The following GOLM1 variants were observed in gnomAD, a reference collection of about 807,000 sequenced individuals.
GOLM1 encodes the protein epididymis luminal protein 46.
In GOLM1, 31 loss-of-function variants were observed where a neutral mutation model predicts 50.5. That is an observed-to-expected ratio of 0.61 (90% confidence interval 0.46 to 0.83). The LOEUF (loss-of-function observed/expected upper bound fraction) is 0.83. GOLM1 is among the 40% of genes least tolerant of loss of function. The pLI, the probability that GOLM1 is intolerant of heterozygous loss-of-function variation, is 0.00. For missense variants in GOLM1, 491 were observed against 501.3 expected, an observed-to-expected ratio of 0.98 and a Z score of 0.20; for synonymous variants, 178 against 192.8, an observed-to-expected ratio of 0.92 and a Z score of 0.64.
intron 1 of GOLM1, among the ~76,000 whole-genome samples, chr9:86,089,831 A>C (rs1206668182): frequency 6.6e-6 from 1 of 152,102 alleles, no homozygotes; most frequent in Non-Finnish European, 1.5e-5. Context: ...GGAGGAGAAG[A>C]GGCATTCTGG....
intron 4 of GOLM1, among the ~76,000 whole-genome samples, chr9:86,047,457 GCA>G (rs1179638002): frequency 6.6e-6 from 1 of 152,142 alleles, no homozygotes; most frequent in Non-Finnish European, 1.5e-5. Flanking sequence ...CATCCCAAAA[GCA>G]CACACGTGAC....
Position 86,039,271 on chromosome 9 carries a change from C to G in GOLM1, c.597+1468G>C. ...ACAACGAGCTGCCACTCCACACCTG[C>G]TAGGAAGGGTATCATGAAAAAGGTA... On this transcript the variant is annotated intron_variant, in intron 6 of 9. Transcript: ENST00000388712. 1.3e-5 allele frequency among the ~76,000 whole-genome samples: 2 copies of G among 152,072 alleles called. 1 individual carries two copies. The highest frequency in any genetic ancestry group is 2.9e-5 in the Non-Finnish European group (2 of 68,012).
intron 3 of GOLM1, among the ~76,000 whole-genome samples, chr9:86,060,776 G>A (rs1261343969): frequency 6.6e-6 from 1 of 150,422 alleles, no homozygotes; most frequent in African/African-American, 2.4e-5. Flanking sequence ...TACTTGGGAG[G>A]CTGAGGCAGG....
intron 1 of GOLM1, among the ~76,000 whole-genome samples, chr9:86,092,018 T>G (rs994721664): frequency 6.6e-6 from 1 of 152,094 alleles, no homozygotes; most frequent in Non-Finnish European, 1.5e-5. Context: ...CCCCACAGAC[T>G]GGAGCCTCAC....
intron 9 of GOLM1, among the ~76,000 whole-genome samples, chr9:86,028,893 G>A (rs1832877875): frequency 7.0e-6 from 1 of 142,252 alleles, no homozygotes; most frequent in Non-Finnish European, 1.5e-5. Context: ...CTATCACCCA[G>A]GCTGGAGTGC....
chr9:86,053,625 A>AC (rs1564347486), intron 3 of GOLM1, among the ~76,000 whole-genome samples: 9 of 24,012 alleles, frequency 3.7e-4, no homozygotes, highest in Non-Finnish European at 6.0e-4. Flanking sequence ...CACACCAAAC[A>AC]TCACTACAAA....
chr9:86,063,098 C>T (rs760216963), intron 3 of GOLM1, among the ~76,000 whole-genome samples: 7 of 152,230 alleles, frequency 4.6e-5, no homozygotes, highest in Non-Finnish European at 8.8e-5. Flanking sequence ...GAGGAGCTGC[C>T]GAACCAGAGG....
chr9:86,041,393 G>T (rs1291253472), intron 5 of GOLM1, among the ~76,000 whole-genome samples: 1 of 152,172 alleles, frequency 6.6e-6, no homozygotes, highest in Admixed American at 6.5e-5. Context: ...GGGAAGGGAG[G>T]AGTGGAGATT....
At chr9:86,031,759 C>G (rs1371551466) in intron 9 of GOLM1, among the ~76,000 whole-genome samples, 2 of 151,926 alleles carry the variant, frequency 1.3e-5, no homozygotes, top group East Asian at 3.9e-4. Flanking sequence ...CCACGCCCAG[C>G]TGAAGTGTCT....
At chr9:86,076,780 G>A (rs527850424) in intron 3 of GOLM1, among the ~76,000 whole-genome samples, 7 of 151,272 alleles carry the variant, frequency 4.6e-5, no homozygotes, top group South Asian at 2.1e-4. Flanking sequence ...CAGGAGAATC[G>A]CTTGAACCCG....
Position 86,036,373 on chromosome 9 carries a change from C to T in GOLM1, c.732G>A (p.Leu244=), listed in dbSNP as rs41283653. Residue 244 remains leucine (L), a synonymous_variant, in exon 7 of 10, where the codon TTG becomes TTA. Transcript: ENST00000388712. ...QTPAPSSEVV[L]DSKRQVEKEE... is the part of the protein sequence containing the mutation. ...CTTTCTCAACTTGTCTCTTTGAATC[C>T]AAAACCACTTCGGAACTGGGGGCTG... is the stretch of plus-strand genomic sequence containing the variant. 1 of 1,614,184 alleles carries T rather than the reference C, an allele frequency of 6.2e-7. No individual in the cohort carries two copies. Among genetic ancestry groups the T allele is most frequent in the Non-Finnish European group, 8.5e-7 (1 of 1,180,046 alleles).
rs550969911 is a variant in GOLM1 at position 86,098,709 on chromosome 9, A to G, written c.-22+702T>C. ...TGTTTCTTAAAAGCAAATCATTAAAAATATTAAATGGGATATGATTTTTAC... is the reference window on the plus strand; with the variant it reads ...TGTTTCTTAAAAGCAAATCATTAAAGATATTAAATGGGATATGATTTTTAC... On this transcript the variant is annotated intron_variant, in intron 1 of 9. Transcript: ENST00000388712. 7.9e-5 allele frequency among the ~76,000 whole-genome samples: 12 copies of G among 152,408 alleles called. No individual in the cohort carries two copies. In the Middle Eastern group the frequency reaches 0.014, roughly 173 times the overall value.
At chr9:86,035,199 C>T in intron 8 of GOLM1, 169 bp downstream of exon 8, 1 of 985,374 alleles carries the variant, frequency 1.0e-6, no homozygotes. Flanking sequence ...TCCTTCCTGC[C>T]TCCCTCTTGA....
At position 86,026,632 on chromosome 9, in the gene GOLM1, T is replaced by G. The variant is rs768881636; in HGVS notation, c.*1185A>C. ...CCCCTTAGAGAGCCTTACTGGGAAG[T>G]CAGTCATTAATGATGTGGCCAGTTA... is the stretch of plus-strand genomic sequence containing the variant. On this transcript the variant is annotated 3_prime_UTR_variant, in exon 10 of 10. Transcript: ENST00000388712. The G allele has an allele frequency of 1.1e-5, 11 of 984,758 alleles. No individual in the cohort carries two copies. Among genetic ancestry groups the G allele is most frequent in the Non-Finnish European group, 1.3e-5 (11 of 829,336 alleles). The allele number at this position is 984,758 out of a possible 1,614,324, so 61.0% of individuals were successfully genotyped here.
At position 86,027,198 on chromosome 9, in the gene GOLM1, C is replaced by T. The variant is rs939209431; in HGVS notation, c.*619G>A. 1.2e-5 allele frequency: 12 copies of T among 984,994 alleles called. No individual in the cohort carries two copies. The highest frequency in any genetic ancestry group is 8.7e-5 in the African/African-American group (5 of 57,236). 61.0% of individuals were successfully genotyped at this position (984,994 alleles called of 1,614,324 possible). A position where few individuals can be genotyped will look rare whatever the true frequency, so the allele number is the denominator to read the frequency against. ...ATTAAAAATGACAAGGGTTATTATA[C>T]AAGTAGCCTTTTAAAAAATTCTCAC... is the stretch of plus-strand genomic sequence containing the variant. On this transcript the variant is annotated 3_prime_UTR_variant, in exon 10 of 10. Transcript: ENST00000388712.
intron 3 of GOLM1, among the ~76,000 whole-genome samples, chr9:86,060,620 G>A (rs987828991): frequency 6.6e-6 from 1 of 151,910 alleles, no homozygotes; most frequent in East Asian, 1.9e-4. Flanking sequence ...AGCAGCTCAC[G>A]CCTGTAATCC....
intron 1 of GOLM1, among the ~76,000 whole-genome samples, chr9:86,097,697 C>T (rs1835392933): frequency 6.6e-6 from 1 of 152,168 alleles, no homozygotes; most frequent in South Asian, 2.1e-4. Flanking sequence ...TACTGATCCA[C>T]GCAGACGCAT....
intron 3 of GOLM1, among the ~76,000 whole-genome samples, chr9:86,053,656 C>CA (rs1833881064): frequency 6.9e-6 from 1 of 144,912 alleles, no homozygotes; most frequent in Non-Finnish European, 1.5e-5. Context: ...CACCATGCTA[C>CA]ACCACTCCAC....
At chr9:86,036,738 C>A in intron 6 of GOLM1, 1 of 540,908 alleles carries the variant, frequency 1.8e-6, no homozygotes, top group Non-Finnish European at 3.2e-6. Context: ...CAGAATAAAA[C>A]TGGGCAGTGA....
Sources: allele counts gnomAD v4.1 joint callset (sites outside exome capture counted in the v4.1 genomes callset), GRCh38; gene constraint gnomAD v4.1.1; transcripts MANE v1.5; gene names NCBI Gene and HGNC (gene_info 2026-07-23, HGNC 2026-07-21).